The following GTF2I variants were observed in gnomAD, a reference collection of about 807,000 sequenced individuals.
GTF2I encodes general transcription factor IIi, also known as general transcription factor II-I.
GTF2I carries 12 observed loss-of-function variants against 67.6 expected under a neutral mutation model. The ratio of observed to expected loss-of-function variants is 0.18; its 90% CI spans 0.11 to 0.29. The LOEUF is 0.29. Among genes scored for constraint, GTF2I ranks in the 10% least tolerant of loss-of-function variants. The pLI, the probability that GTF2I is intolerant of heterozygous loss-of-function variation, is 1.00. For synonymous variants in GTF2I, 149 were observed against 197.0 expected (o/e 0.76, Z 2.04); for missense variants, 271 against 580.1 (o/e 0.47, Z 5.47).
chr7:74,735,667 T>TTGGTTTTTTTTTTTTTTTTTTTTTG (rs1247117214), intron 17 of GTF2I, 135 bp downstream of exon 17: 1 of 501,892 alleles, frequency 2.0e-6, no homozygotes. Flanking sequence ...TTTTTTTTTT[T>TTGGTTTTTTTTTTTTTTTTTTTTTG]GGGTTTTTTT....
At position 74,664,807 on chromosome 7, in the gene GTF2I, T is replaced by C. The variant is rs587725052; in HGVS notation, c.-6+6739T>C. ...ATGAGAGGGAAGACAAATTTATAAATTGAGAGAGGGTTTATAGCTTATGGC... is the reference window on the plus strand; with the variant it reads ...ATGAGAGGGAAGACAAATTTATAAACTGAGAGAGGGTTTATAGCTTATGGC... On this transcript the variant is annotated intron_variant, in intron 1 of 34. Transcript: ENST00000573035. Among the ~76,000 whole-genome samples, 34 of 152,244 alleles carry C rather than the reference T, an allele frequency of 2.2e-4. 1 individual carries two copies. Among genetic ancestry groups the C allele is most frequent in the Middle Eastern group, 6.8e-3 (2 of 294 alleles).
chr7:74,662,422 C>G (rs587771064), intron 1 of GTF2I, among the ~76,000 whole-genome samples: 1 of 146,492 alleles, frequency 6.8e-6, no homozygotes, highest in East Asian at 2.2e-4. Flanking sequence ...GTTGGTCAGG[C>G]TGGTCTCGAA....
intron 1 of GTF2I, among the ~76,000 whole-genome samples, chr7:74,669,825 C>T (rs587625852): frequency 6.6e-6 from 1 of 152,254 alleles, no homozygotes; most frequent in South Asian, 2.1e-4. Context: ...GCCACCGTGT[C>T]CGGCCAAGGT....
chr7:74,672,370 G>A (rs1191085565), intron 1 of GTF2I, among the ~76,000 whole-genome samples: 1 of 151,890 alleles, frequency 6.6e-6, no homozygotes, highest in African/African-American at 2.4e-5. Context: ...GTGAAACCCC[G>A]TCTCTACTAA....
intron 3 of GTF2I, among the ~76,000 whole-genome samples, chr7:74,698,331 C>T (rs1024761004): frequency 6.7e-6 from 1 of 149,126 alleles, no homozygotes; most frequent in Admixed American, 6.7e-5. Context: ...ACCTTGTCAT[C>T]TGCCAGCCTC....
intron 18 of GTF2I, among the ~76,000 whole-genome samples, chr7:74,737,500 TGG>T (rs1794902324): frequency 2.2e-5 from 3 of 138,254 alleles, no homozygotes; most frequent in Non-Finnish European, 4.8e-5. Flanking sequence ...AGTCACGAAG[TGG>T]TCTCGAGGCA....
rs113874144 is a variant in GTF2I, at chr7:74,669,892, G to C, written c.-6+11824G>C. On this transcript the variant is annotated intron_variant, in intron 1 of 34. Coordinates refer to ENST00000573035, the MANE Select transcript of GTF2I (RefSeq NM_032999.4). ...TTGAGGAGTAAATTTGACATAAGCA[G>C]GTGTTCATGCACAAATGCCTTAAAA... is the stretch of plus-strand genomic sequence containing the variant. Among the ~76,000 whole-genome samples, 870 of 152,174 alleles carry C rather than the reference G, an allele frequency of 5.7e-3. 10 individuals are homozygous for C. Among genetic ancestry groups the C allele is most frequent in the African/African-American group, 0.02 (825 of 41,526 alleles).
chr7:74,686,715 A>T (rs369544231), intron 1 of GTF2I, among the ~76,000 whole-genome samples: 2 of 152,150 alleles, frequency 1.3e-5, no homozygotes, highest in East Asian at 3.8e-4. Flanking sequence ...ACTTAGTTTT[A>T]TCCAAGAGAA....
intron 26 of GTF2I, among the ~76,000 whole-genome samples, chr7:74,750,014 T>C (rs1273916414): frequency 1.5e-5 from 2 of 133,724 alleles, no homozygotes; most frequent in African/African-American, 5.2e-5. Flanking sequence ...AGCTATGTTG[T>C]TACTATTTGA....
chr7:74,718,006 T>C (rs772682665), intron 11 of GTF2I, among the ~76,000 whole-genome samples: 6 of 152,198 alleles, frequency 3.9e-5, no homozygotes, highest in African/African-American at 7.2e-5. Context: ...TTTTCAGCTT[T>C]GAATAGGCGG....
chr7:74,674,955 C>G (rs191391673), intron 1 of GTF2I, among the ~76,000 whole-genome samples: 1 of 152,022 alleles, frequency 6.6e-6, no homozygotes, highest in South Asian at 2.1e-4. Flanking sequence ...CTGGTTCAAG[C>G]GATTCTCCTG....
chr7:74,691,118 A>C lies in GTF2I; in HGVS notation c.238+7A>C, dbSNP rs782726437. The C allele has an allele frequency of 2.5e-6, 4 of 1,574,560 alleles. No individual in the cohort carries two copies. In the African/African-American group the frequency reaches 5.4e-5, roughly 21 times the overall value. On this transcript the variant is annotated splice_region_variant and intron_variant, in intron 3 of 34. Coordinates refer to ENST00000573035, the MANE Select transcript of GTF2I (RefSeq NM_032999.4). ...AAAGATTTTGTAAAATATTGTAAGC[A>C]TTGTATTTTTATCTTTTGCATTTCA...
At chr7:74,708,994 G>A (rs782315731) in intron 8 of GTF2I, among the ~76,000 whole-genome samples, 27 of 152,176 alleles carry the variant, frequency 1.8e-4, no homozygotes, top group Admixed American at 1.5e-3. Flanking sequence ...ATCCAGTCGC[G>A]AGCTATGTTA....
At chr7:74,731,729 G>A (rs1554406728) in intron 14 of GTF2I, among the ~76,000 whole-genome samples, 1 of 148,928 alleles carries the variant, frequency 6.7e-6, no homozygotes, top group Admixed American at 6.7e-5. Flanking sequence ...ATTTTTAGTA[G>A]AGACAAGGTT....
At chr7:74,671,301 G>C (rs970334738) in intron 1 of GTF2I, among the ~76,000 whole-genome samples, 3 of 151,830 alleles carry the variant, frequency 2.0e-5, no homozygotes, top group Non-Finnish European at 2.9e-5. Context: ...TGTCCAGGCT[G>C]GTCTTGAACT....
intron 3 of GTF2I, among the ~76,000 whole-genome samples, chr7:74,693,062 G>A (rs1405863324): frequency 6.6e-5 from 10 of 151,970 alleles, no homozygotes; most frequent in Admixed American, 2.6e-4. Context: ...GTGCCCGACC[G>A]GGCATATCTC....
intron 1 of GTF2I, among the ~76,000 whole-genome samples, chr7:74,681,452 A>C (rs974289265): frequency 3.3e-5 from 5 of 150,766 alleles, no homozygotes; most frequent in East Asian, 1.9e-4. Flanking sequence ...AAAAAAAAGA[A>C]AAAAAGAAAA....
intron 1 of GTF2I, among the ~76,000 whole-genome samples, chr7:74,658,350 C>T (rs1191199069): frequency 6.8e-6 from 1 of 147,660 alleles, no homozygotes; most frequent in Non-Finnish European, 1.5e-5. Flanking sequence ...CGGGGGACGA[C>T]AGTGGCACGC....
At chr7:74,671,247 C>T (rs782597942) in intron 1 of GTF2I, among the ~76,000 whole-genome samples, 4 of 151,666 alleles carry the variant, frequency 2.6e-5, no homozygotes. Context: ...CCACCACACC[C>T]GGCTAATTTT....
Sources: allele counts gnomAD v4.1 joint callset (sites outside exome capture counted in the v4.1 genomes callset), GRCh38; gene constraint gnomAD v4.1.1; transcripts MANE v1.5; gene names NCBI Gene and HGNC (gene_info 2026-07-23, HGNC 2026-07-21).